MEDAG: variants seen among roughly 807,000 people sequenced by gnomAD.
MEDAG encodes mesenteric estrogen-dependent adipogenesis protein.
In MEDAG, 25 loss-of-function variants were observed where a neutral mutation model predicts 29.9. The observed-to-expected ratio is 0.84, with a 90% confidence interval of 0.61 to 1.17. The LOEUF (loss-of-function observed/expected upper bound fraction) is 1.17. Ranked by LOEUF, MEDAG falls within the 50% of genes most tolerant of loss-of-function variation. The pLI, the probability that MEDAG is intolerant of heterozygous loss-of-function variation, is 0.00. For missense variants in MEDAG, 398 were observed against 372.9 expected (o/e 1.07, Z -0.56); for synonymous variants, 158 against 148.2 (o/e 1.07, Z -0.48).
At chr13:30,914,189 T>G (rs949343908) in intron 1 of MEDAG, among the ~76,000 whole-genome samples, 10 of 152,212 alleles carry the variant, frequency 6.6e-5, no homozygotes, top group African/African-American at 2.4e-4. Flanking sequence ...TTCTCCGATC[T>G]TATCGTGTTT....
chr13:30,913,498 G>C (rs983295213), intron 1 of MEDAG, among the ~76,000 whole-genome samples: 2 of 152,234 alleles, frequency 1.3e-5, no homozygotes, highest in Non-Finnish European at 2.9e-5. Context: ...CTCCCAAAGT[G>C]CTGGGATTAC....
rs914631778 is a variant in MEDAG, at chr13:30,924,256, G to T, written c.788-55G>T. 4.4e-5 allele frequency: 65 copies of T among 1,488,280 alleles called. 1 individual carries two copies. Among genetic ancestry groups the T allele is most frequent in the East Asian group, 2.1e-4 (9 of 42,118 alleles). The allele number at this position is 1,488,280 out of a possible 1,614,324, so 92.2% of individuals were successfully genotyped here. A position where few individuals can be genotyped will look rare whatever the true frequency, so the allele number is the denominator to read the frequency against. ...TGCATGAATTTGAAAGGCACTGTTGGTTTTTTTTTCTTTCAGTGATGGTAA... is the reference window on the plus strand; with the variant it reads ...TGCATGAATTTGAAAGGCACTGTTGTTTTTTTTTTCTTTCAGTGATGGTAA... On this transcript the variant is annotated intron_variant, in intron 4 of 4. Coordinates refer to ENST00000380482, the MANE Select transcript of MEDAG (RefSeq NM_032849.4).
intron 4 of MEDAG, chr13:30,922,841 G>C (rs556735494): frequency 6.6e-6 from 1 of 152,360 alleles, no homozygotes; most frequent in African/African-American, 2.4e-5. Context: ...CTGTGAAGTT[G>C]TGGTGTTCTC....
chr13:30,917,399 A>T lies in MEDAG; in HGVS notation c.279-4A>T. On this transcript the variant is annotated splice_polypyrimidine_tract_variant and splice_region_variant and intron_variant, in intron 1 of 4. Transcript: ENST00000380482. ...CATTTGCAATGATCTCTGCTTCTTCATAGGTATGTGGAACTGACCAACTAC... is the reference window on the plus strand; with the variant it reads ...CATTTGCAATGATCTCTGCTTCTTCTTAGGTATGTGGAACTGACCAACTAC... The T allele has an allele frequency of 6.7e-7, 1 of 1,500,206 alleles. No homozygotes were observed. Among genetic ancestry groups the T allele is most frequent in the Non-Finnish European group, 9.3e-7 (1 of 1,076,278 alleles). The allele number at this position is 1,500,206 out of a possible 1,614,324, so 92.9% of individuals were successfully genotyped here.
intron 2 of MEDAG, among the ~76,000 whole-genome samples, chr13:30,919,456 T>C (rs746307056): frequency 7.2e-5 from 11 of 152,198 alleles, no homozygotes; most frequent in Non-Finnish European, 1.6e-4. Flanking sequence ...TGGAGTGTTG[T>C]GGCCATGAGT....
rs1343123222 is a variant in MEDAG at position 30,906,885 on chromosome 13, G to C, written c.278+92G>C. On this transcript the variant is annotated intron_variant, in intron 1 of 4. Transcript: ENST00000380482. ...GTCTCTGGGAGCCTGGGCTGTCCTCGCTGCCTGCGACACCGCGTGGCCCCT... is the reference window on the plus strand; with the variant it reads ...GTCTCTGGGAGCCTGGGCTGTCCTCCCTGCCTGCGACACCGCGTGGCCCCT... 4 of 1,290,352 alleles carry C rather than the reference G, an allele frequency of 3.1e-6. No individual in the cohort carries two copies. The African/African-American group carries it at 6.3e-5, about 20-fold the overall frequency. 79.9% of individuals were successfully genotyped at this position (1,290,352 alleles called of 1,614,324 possible).
chr13:30,913,826 A>G (rs1447592749), intron 1 of MEDAG, among the ~76,000 whole-genome samples: 1 of 152,168 alleles, frequency 6.6e-6, no homozygotes, highest in African/African-American at 2.4e-5. Context: ...AGATCATTTG[A>G]GGTCAGGAGT....
Position 30,906,761 on chromosome 13 carries a change from G to T in MEDAG, c.246G>T (p.Gly82=), listed in dbSNP as rs776424252. 12 of 1,511,012 alleles carry T rather than the reference G, an allele frequency of 7.9e-6. No homozygotes were observed. The East Asian group carries it at 2.8e-4, about 35-fold the overall frequency. The allele number at this position is 1,511,012 out of a possible 1,614,324, so 93.6% of individuals were successfully genotyped here. A position where few individuals can be genotyped will look rare whatever the true frequency, so the allele number is the denominator to read the frequency against. The change falls in exon 1 of 5, where the codon GGG becomes GGT. Residue 82 remains glycine (G), a synonymous_variant. Transcript: ENST00000380482. ...GTGACGGCCTCGTGCGCCTCGACGG[G>T]CAGCTCTACCGCCTCAGCAGCTACA... The part of the protein sequence containing the change: ...VFGDGLVRLD[G]QLYRLSSYIK...
rs115603513 is a variant in MEDAG, at chr13:30,910,719, G to C, written c.278+3926G>C. ...GCAGAGCTGTGACCTGCTCCTGGAT[G>C]GGTGACAGTCACACCTACTCAGGGC... On this transcript the variant is annotated intron_variant, in intron 1 of 4. Transcript: ENST00000380482. Among the ~76,000 whole-genome samples the C allele has an allele frequency of 4.1e-3, 631 of 152,334 alleles. 4 individuals are homozygous for C. Among genetic ancestry groups the C allele is most frequent in the African/African-American group, 0.015 (610 of 41,578 alleles).
At chr13:30,916,221 C>T (rs1436142608) in intron 1 of MEDAG, 1 of 152,194 alleles carries the variant, frequency 6.6e-6, no homozygotes, top group Non-Finnish European at 1.5e-5. Flanking sequence ...GACACATGCC[C>T]CGGTCACTGT....
chr13:30,917,752 C>T (rs986605788), intron 2 of MEDAG, among the ~76,000 whole-genome samples: 1 of 152,064 alleles, frequency 6.6e-6, no homozygotes, highest in Non-Finnish European at 1.5e-5. Context: ...CTTAAACAAC[C>T]AGATCTAGCA....
At chr13:30,911,482 T>C (rs1952881841) in intron 1 of MEDAG, among the ~76,000 whole-genome samples, 1 of 152,136 alleles carries the variant, frequency 6.6e-6, no homozygotes, top group Admixed American at 6.5e-5. Flanking sequence ...CCCATAGTCC[T>C]CATGGATGGG....
chr13:30,920,861 G>T (rs1187675711), intron 2 of MEDAG, among the ~76,000 whole-genome samples, 153 bp from the exon 3 acceptor site: 2 of 152,200 alleles, frequency 1.3e-5, no homozygotes, highest in Non-Finnish European at 2.9e-5. Flanking sequence ...ATCTGGCGAG[G>T]CTTTGTAGTA....
Position 30,906,542 on chromosome 13 carries a change from G to T in MEDAG, c.27G>T (p.Val9=). 6.5e-7 allele frequency: 1 copy of T among 1,532,906 alleles called. No homozygotes were observed. The highest frequency in any genetic ancestry group is 1.2e-5 in the South Asian group (1 of 81,976). 95.0% of individuals were successfully genotyped at this position (1,532,906 alleles called of 1,614,324 possible). MAGAACEP[V]ARPSLTSISS... ...TGGCGGGGGCGGCCTGCGAGCCGGT[G>T]GCCAGGCCGAGCCTGACCTCCATCT... is the stretch of plus-strand genomic sequence containing the variant. Residue 9 remains valine, a synonymous_variant, in exon 1 of 5, where the codon GTG becomes GTT. Coordinates refer to ENST00000380482, the MANE Select transcript of MEDAG (RefSeq NM_032849.4).
chr13:30,906,385 C>G lies in MEDAG; in HGVS notation c.-131C>G, dbSNP rs1465274163. On this transcript the variant is annotated 5_prime_UTR_variant, in exon 1 of 5. Coordinates refer to ENST00000380482, the MANE Select transcript of MEDAG (RefSeq NM_032849.4). ...CCGCGTCCCGGCCAGGCGGGCAGAC[C>G]GACCCCCTCCTCACCTCGCGCGCGG... 9.9e-7 allele frequency: 1 copy of G among 1,006,054 alleles called. No individual in the cohort carries two copies. The highest frequency in any genetic ancestry group is 1.3e-6 in the Non-Finnish European group (1 of 762,052). The allele number at this position is 1,006,054 out of a possible 1,614,324, so 62.3% of individuals were successfully genotyped here. A position where few individuals can be genotyped will look rare whatever the true frequency, so the allele number is the denominator to read the frequency against.
In MEDAG at chr13:30,925,082, C is replaced by G. The variant is rs1953028861; in HGVS notation, c.*647C>G. The G allele has an allele frequency of 6.6e-6, 1 of 152,130 alleles. No individual in the cohort carries two copies. Among genetic ancestry groups the G allele is most frequent in the Non-Finnish European group, 1.5e-5 (1 of 68,020 alleles). 9.4% of individuals were successfully genotyped at this position (152,130 alleles called of 1,614,324 possible). ...CACACACTGCCTGAAATCGGAACTCCCTTGGCCTCCCTCTTAACTAAGTGA... is the reference window on the plus strand; with the variant it reads ...CACACACTGCCTGAAATCGGAACTCGCTTGGCCTCCCTCTTAACTAAGTGA... On this transcript the variant is annotated 3_prime_UTR_variant, in exon 5 of 5. Coordinates refer to ENST00000380482, the MANE Select transcript of MEDAG (RefSeq NM_032849.4).
chr13:30,913,227 G>C (rs550943363), intron 1 of MEDAG, among the ~76,000 whole-genome samples: 2 of 152,216 alleles, frequency 1.3e-5, no homozygotes, highest in South Asian at 4.2e-4. Context: ...TTGTTTGTTT[G>C]TTTGTTGAGA....
At chr13:30,922,523 G>C (rs891113109) in intron 4 of MEDAG, 1 of 152,140 alleles carries the variant, frequency 6.6e-6, no homozygotes, top group Non-Finnish European at 1.5e-5. Flanking sequence ...CAAAGTGCTG[G>C]GATTACAGGT....
At chr13:30,906,843 G>T in intron 1 of MEDAG, 50 bp downstream of exon 1, 1 of 1,411,320 alleles carries the variant, frequency 7.1e-7, no homozygotes, top group Non-Finnish European at 9.2e-7. Flanking sequence ...ACCCGCAGAC[G>T]CCTCCACCCG....
Sources: allele counts gnomAD v4.1 joint callset (sites outside exome capture counted in the v4.1 genomes callset), GRCh38; gene constraint gnomAD v4.1.1; transcripts MANE v1.5; gene names NCBI Gene and HGNC (gene_info 2026-07-23, HGNC 2026-07-21).